SPOCK3: variants seen among roughly 807,000 people sequenced by gnomAD.
SPOCK3 encodes the protein SPARC (osteonectin), cwcv and kazal like domains proteoglycan 3, also known as testican-3.
A neutral mutation model predicts 56.6 loss-of-function variants in SPOCK3; 30 were observed. The observed-to-expected ratio is 0.53, with a 90% confidence interval of 0.40 to 0.72. SPOCK3 has a LOEUF of 0.72. SPOCK3 is among the 30% of genes least tolerant of loss of function. SPOCK3 has a pLI of 0.00. For synonymous variants in SPOCK3, 196 were observed against 183.3 expected (o/e 1.07, Z -0.56); for missense variants, 527 against 530.0 (o/e 0.99, Z 0.06).
intron 6 of SPOCK3, among the ~76,000 whole-genome samples, chr4:166,836,198 G>A (rs1197485475): frequency 6.6e-6 from 1 of 152,036 alleles, no homozygotes; most frequent in Non-Finnish European, 1.5e-5. Flanking sequence ...TATATCCTGG[G>A]TACTTTAGCT....
chr4:167,125,056 T>C (rs1762147932), intron 2 of SPOCK3, among the ~76,000 whole-genome samples: 1 of 152,144 alleles, frequency 6.6e-6, no homozygotes, highest in Non-Finnish European at 1.5e-5. Context: ...TACTTATCAC[T>C]TAAAATTTAG....
chr4:167,066,241 T>C (rs995352017), intron 2 of SPOCK3, among the ~76,000 whole-genome samples: 3 of 151,900 alleles, frequency 2.0e-5, no homozygotes, highest in Non-Finnish European at 4.4e-5. Flanking sequence ...CTTGGCATTA[T>C]TGATATTTTG....
chr4:167,106,545 CAAAT>C (rs911020115), intron 2 of SPOCK3, among the ~76,000 whole-genome samples: 3 of 151,086 alleles, frequency 2.0e-5, no homozygotes, highest in African/African-American at 7.3e-5. Context: ...AGAAAAATGT[CAAAT>C]AAATAATGTA....
At chr4:167,020,810 A>C (rs1360984495) in intron 3 of SPOCK3, among the ~76,000 whole-genome samples, 2 of 152,048 alleles carry the variant, frequency 1.3e-5, no homozygotes, top group Non-Finnish European at 2.9e-5. Flanking sequence ...CAAAAAAAAG[A>C]AGCTCACCTC....
chr4:166,755,784 T>C (rs1240338404), intron 7 of SPOCK3, among the ~76,000 whole-genome samples: 3 of 146,988 alleles, frequency 2.0e-5, no homozygotes, highest in Non-Finnish European at 4.5e-5. Context: ...TTTTATGTTC[T>C]AGTAATACAA....
chr4:167,116,899 T>TTG lies in SPOCK3; in HGVS notation c.190-54364_190-54363dup, dbSNP rs113398017. Reference sequence around the variant, plus strand: ...CTTTTGTATATATACATATATACTTTTGTGTGTGTGTGTGTATATATATAT... The same window carrying TTG: ...CTTTTGTATATATACATATATACTTTTGTGTGTGTGTGTGTGTATATATATAT... On this transcript the variant is annotated intron_variant, in intron 2 of 10. Coordinates refer to ENST00000357545, the MANE Select transcript of SPOCK3 (RefSeq NM_001040159.2). 8.7e-4 allele frequency among the ~76,000 whole-genome samples: 110 copies of TTG among 127,146 alleles called. 3 individuals carry two copies. The highest frequency in any genetic ancestry group is 2.9e-3 in the South Asian group (12 of 4,120). The allele number at this position is 127,146 out of a possible 152,430, so 83.4% of individuals were successfully genotyped here.
At chr4:166,782,713 G>A (rs1740307455) in intron 7 of SPOCK3, among the ~76,000 whole-genome samples, 1 of 152,128 alleles carries the variant, frequency 6.6e-6, no homozygotes, top group South Asian at 2.1e-4. Context: ...TAAATTAACT[G>A]TAAATATATT....
chr4:166,906,778 G>T (rs769584605), intron 5 of SPOCK3, among the ~76,000 whole-genome samples: 3 of 151,370 alleles, frequency 2.0e-5, no homozygotes, highest in Non-Finnish European at 2.9e-5. Context: ...TTCAAATAAA[G>T]GTAGTCACCA....
intron 4 of SPOCK3, among the ~76,000 whole-genome samples, chr4:166,958,760 T>C (rs1024333860): frequency 1.3e-5 from 2 of 152,224 alleles, no homozygotes; most frequent in Admixed American, 6.5e-5. Flanking sequence ...TGCTATTGTC[T>C]GTCTCCTTCT....
At chr4:166,767,483 A>G (rs934590924) in intron 7 of SPOCK3, among the ~76,000 whole-genome samples, 1 of 152,070 alleles carries the variant, frequency 6.6e-6, no homozygotes, top group African/African-American at 2.4e-5. Context: ...TTCAGTTTCC[A>G]TGTAGTTGAG....
At chr4:167,088,038 G>T (rs75741973) in intron 2 of SPOCK3, among the ~76,000 whole-genome samples, 4 of 151,618 alleles carry the variant, frequency 2.6e-5, no homozygotes, top group Non-Finnish European at 4.4e-5. Flanking sequence ...AGAAATAAGA[G>T]AAATTATTCC....
chr4:167,113,426 C>T (rs756599343), intron 2 of SPOCK3, among the ~76,000 whole-genome samples: 7 of 151,510 alleles, frequency 4.6e-5, no homozygotes, highest in African/African-American at 7.3e-5. Context: ...CAATTAAACA[C>T]AAGTTTGCAT....
intron 2 of SPOCK3, among the ~76,000 whole-genome samples, chr4:167,165,459 G>A (rs1765679529): frequency 6.6e-6 from 1 of 152,044 alleles, no homozygotes; most frequent in Non-Finnish European, 1.5e-5. Flanking sequence ...ATGAAAAAAA[G>A]CTTATCATCA....
At chr4:167,119,566 G>A (rs191621708) in intron 2 of SPOCK3, among the ~76,000 whole-genome samples, 1 of 152,178 alleles carries the variant, frequency 6.6e-6, no homozygotes, top group Non-Finnish European at 1.5e-5. Context: ...AGTAACATCT[G>A]TTGAAGTCAT....
At chr4:166,842,594 A>G (rs1361769243) in intron 6 of SPOCK3, among the ~76,000 whole-genome samples, 2 of 152,070 alleles carry the variant, frequency 1.3e-5, no homozygotes, top group African/African-American at 2.4e-5. Flanking sequence ...TGTATTTACA[A>G]TCCTTAACTA....
At chr4:166,971,909 G>T (rs1020417111) in intron 4 of SPOCK3, among the ~76,000 whole-genome samples, 2 of 152,044 alleles carry the variant, frequency 1.3e-5, no homozygotes, top group East Asian at 1.9e-4. Flanking sequence ...TCGAATGAAG[G>T]TACATAGCCA....
chr4:166,911,721 A>G (rs535315719), intron 5 of SPOCK3, among the ~76,000 whole-genome samples: 47 of 152,002 alleles, frequency 3.1e-4, no homozygotes, highest in African/African-American at 6.7e-4. Flanking sequence ...TATTTTTAGT[A>G]GAGACGGGGT....
chr4:166,800,925 C>T (rs991389869), intron 6 of SPOCK3, among the ~76,000 whole-genome samples: 2 of 152,080 alleles, frequency 1.3e-5, no homozygotes, highest in African/African-American at 2.4e-5. Context: ...TGGTAAACGT[C>T]CTATATACAT....
intron 2 of SPOCK3, among the ~76,000 whole-genome samples, chr4:167,191,422 A>T (rs1732462408): frequency 6.9e-6 from 1 of 145,272 alleles, no homozygotes; most frequent in South Asian, 2.1e-4. Flanking sequence ...CTACGAATAT[A>T]TCCATGGATT....
Sources: allele counts gnomAD v4.1 joint callset (sites outside exome capture counted in the v4.1 genomes callset), GRCh38; gene constraint gnomAD v4.1.1; transcripts MANE v1.5; gene names NCBI Gene and HGNC (gene_info 2026-07-23, HGNC 2026-07-21).